Variants in EPHA5 observed in about 807,000 individuals in gnomAD.
The protein encoded by EPHA5 is EPH receptor A5.
Under a neutral mutation model 105.0 loss-of-function variants are expected in EPHA5, and 60 were observed. The observed-to-expected ratio is 0.57, with a 90% CI of 0.46 to 0.71. The LOEUF is 0.71. Among genes scored for constraint, EPHA5 ranks in the 30% least tolerant of loss-of-function variants. EPHA5 has a pLI of 0.00. For synonymous variants in EPHA5, 513 were observed against 449.1 expected, an observed-to-expected ratio of 1.14 and a Z score of -1.80; for missense variants, 1,218 against 1,274.7, an observed-to-expected ratio of 0.96 and a Z score of 0.68.
At chr4:65,596,134 G>A (rs1164456080) in intron 3 of EPHA5, among the ~76,000 whole-genome samples, 1 of 152,106 alleles carries the variant, frequency 6.6e-6, no homozygotes, top group Non-Finnish European at 1.5e-5. Context: ...AAAGAAAAAT[G>A]TTCACTTTTG....
At chr4:65,466,755 C>T (rs933817799) in intron 5 of EPHA5, among the ~76,000 whole-genome samples, 1 of 152,144 alleles carries the variant, frequency 6.6e-6, no homozygotes, top group African/African-American at 2.4e-5. Context: ...TCCAAGATTA[C>T]CGAAGCTCTT....
chr4:65,422,227 G>C (rs966561232), intron 5 of EPHA5, among the ~76,000 whole-genome samples: 2 of 152,062 alleles, frequency 1.3e-5, no homozygotes, highest in African/African-American at 4.8e-5. Context: ...TTTCCTCTGT[G>C]ACAAGAGCAT....
Position 65,420,465 on chromosome 4 carries a change from C to A in EPHA5, c.1503G>T (p.Glu501Asp), listed in dbSNP as rs376952898. 2.5e-6 allele frequency: 4 copies of A among 1,609,660 alleles called. No homozygotes were observed. Among genetic ancestry groups the A allele is most frequent in the South Asian group, 1.1e-5 (1 of 90,600 alleles). The change falls in exon 6 of 17, where the codon GAG becomes GAT. Residue 501 changes from glutamate (E) to aspartate (D), a missense_variant. Transcript: ENST00000613740. ...CCTTTTCAAAATACTTGATTTCATA[C>A]TCTAGGATGATTCCATTGGGACGAT... The part of the protein sequence containing the change: ...EPDRPNGIIL[E>D]YEIKYFEKDQ...
In EPHA5 at chr4:65,646,118, C is replaced by T. The variant is rs758767726; in HGVS notation, c.182-2691G>A. Among the ~76,000 whole-genome samples the T allele has an allele frequency of 2.0e-5, 3 of 152,080 alleles. No individual in the cohort carries two copies. The South Asian group carries it at 6.2e-4, about 32-fold the overall frequency. ...TTTACCTTCTGAATTGCTAACGTTT[C>T]CTTTGTCCTTCAAAACGTATTTCAG... On this transcript the variant is annotated intron_variant, in intron 1 of 16. Transcript: ENST00000613740.
chr4:65,444,650 G>A (rs1726340775), intron 5 of EPHA5, among the ~76,000 whole-genome samples: 1 of 152,166 alleles, frequency 6.6e-6, no homozygotes, highest in East Asian at 1.9e-4. Flanking sequence ...TGTATAAATT[G>A]TGGATTTACT....
intron 7 of EPHA5, among the ~76,000 whole-genome samples, chr4:65,408,423 T>C (rs930491153): frequency 2.6e-5 from 4 of 152,048 alleles, no homozygotes; most frequent in East Asian, 1.9e-4. Context: ...AAAGAAAATA[T>C]TGAAGCAATG....
chr4:65,594,978 T>G lies in EPHA5; in HGVS notation c.910+6663A>C, dbSNP rs750295565. Among the ~76,000 whole-genome samples, 11 of 152,082 alleles carry G rather than the reference T, an allele frequency of 7.2e-5. No individual in the cohort carries two copies. The South Asian group carries it at 1.0e-3, about 14-fold the overall frequency. The stretch of plus-strand genomic sequence containing the variant: ...ATCAGGTCTTTTATTTCTCAGATTT[T>G]TATAAGCAAATACATTTTTAAAGTG... On this transcript the variant is annotated intron_variant, in intron 3 of 16. Transcript: ENST00000613740.
At chr4:65,460,606 C>T (rs1459827530) in intron 5 of EPHA5, among the ~76,000 whole-genome samples, 2 of 151,324 alleles carry the variant, frequency 1.3e-5, no homozygotes, top group East Asian at 1.9e-4. Context: ...AATATATAGG[C>T]ATTTAAAATA....
At chr4:65,386,682 T>C (rs894552976) in intron 8 of EPHA5, among the ~76,000 whole-genome samples, 31 of 151,970 alleles carry the variant, frequency 2.0e-4, no homozygotes, top group African/African-American at 6.8e-4. Context: ...ATTGCTCATA[T>C]AAATTTTATA....
intron 2 of EPHA5, among the ~76,000 whole-genome samples, chr4:65,610,131 T>C (rs1744626088): frequency 6.6e-6 from 1 of 152,012 alleles, no homozygotes; most frequent in Non-Finnish European, 1.5e-5. Context: ...GTGGTAAATA[T>C]AGACTATGGA....
At chr4:65,569,212 A>G (rs1739868939) in intron 3 of EPHA5, among the ~76,000 whole-genome samples, 1 of 151,508 alleles carries the variant, frequency 6.6e-6, no homozygotes, top group Non-Finnish European at 1.5e-5. Context: ...AAGTTGTTTA[A>G]CCCCAAATAA....
At chr4:65,347,491 G>T (rs1722334917) in intron 14 of EPHA5, among the ~76,000 whole-genome samples, 1 of 152,120 alleles carries the variant, frequency 6.6e-6, no homozygotes, top group Non-Finnish European at 1.5e-5. Context: ...TTCTTTCATA[G>T]TTCCTTTAAT....
At chr4:65,362,000 C>T (rs1717375674) in intron 11 of EPHA5, among the ~76,000 whole-genome samples, 1 of 151,526 alleles carries the variant, frequency 6.6e-6, no homozygotes, top group Non-Finnish European at 1.5e-5. Flanking sequence ...TAAAAGCTGG[C>T]ACTATGTCTA....
chr4:65,554,354 G>C (rs1303977233), intron 3 of EPHA5, among the ~76,000 whole-genome samples: 3 of 149,736 alleles, frequency 2.0e-5, no homozygotes, highest in Non-Finnish European at 4.5e-5. Context: ...TATAATTTTG[G>C]CTAATCTATT....
Position 65,365,018 on chromosome 4 carries a change from T to A in EPHA5, c.2172A>T (p.Lys724Asn). Residue 724 changes from lysine (K) to asparagine (N), a missense_variant and splice_region_variant, in exon 11 of 17, where the codon AAA becomes AAT. Lys to Asn is a moderately conservative substitution (Grantham distance 94, BLOSUM62 0). Coordinates refer to ENST00000613740, the MANE Select transcript of EPHA5 (RefSeq NM_001281766.3). ...NIIHLEGVVT[K>N]SKPVMIVTEY... ...TGTATAATTTGCCATCATACTTACT[T>A]TTGGTCACCACACCTTCTAAATGGA... 6.2e-7 allele frequency: 1 copy of A among 1,610,218 alleles called. No homozygotes were observed. Among genetic ancestry groups the A allele is most frequent in the Non-Finnish European group, 8.5e-7 (1 of 1,177,498 alleles).
chr4:65,643,380 C>G lies in EPHA5; in HGVS notation c.229G>C (p.Ala77Pro), dbSNP rs765840668. Residue 77 changes from alanine (A) to proline (P), a missense_variant, in exon 2 of 17, where the codon GCT becomes CCT. Physicochemically the swap from Ala to Pro is conservative, Grantham distance 27. Around this residue, in one of 3 missense-constraint regions of EPHA5, gnomAD observed 233 missense variants for 227.5 expected, o/e 1.02. Coordinates refer to ENST00000613740, the MANE Select transcript of EPHA5 (RefSeq NM_001281766.3). ...AAACTTACCCCATTTTTTGGAAAAG[C>G]AATCCATCCCAGGTCCCCCATGACA... is the stretch of plus-strand genomic sequence containing the variant. ...RTVMGDLGWI[A>P]FPKNGWEEIG... 1.9e-6 allele frequency: 3 copies of G among 1,612,880 alleles called. No homozygotes were observed. Among genetic ancestry groups the G allele is most frequent in the South Asian group, 1.1e-5 (1 of 91,000 alleles).
intron 1 of EPHA5, among the ~76,000 whole-genome samples, chr4:65,658,119 C>T (rs1189178647): frequency 6.6e-6 from 1 of 151,820 alleles, no homozygotes; most frequent in African/African-American, 2.4e-5. Context: ...ATAGGCAACA[C>T]CTAGAATAAA....
intron 8 of EPHA5, among the ~76,000 whole-genome samples, chr4:65,371,877 C>T (rs1718510446): frequency 6.6e-6 from 1 of 151,900 alleles, no homozygotes; most frequent in East Asian, 1.9e-4. Context: ...ACTTAATTTA[C>T]TCAAAAGAGT....
At chr4:65,624,544 G>T (rs1316600671) in intron 2 of EPHA5, among the ~76,000 whole-genome samples, 2 of 152,156 alleles carry the variant, frequency 1.3e-5, no homozygotes, top group Non-Finnish European at 2.9e-5. Flanking sequence ...TAATAAATTT[G>T]AGGCTTTTTA....
Sources: allele counts gnomAD v4.1 joint callset (sites outside exome capture counted in the v4.1 genomes callset), GRCh38; gene constraint gnomAD v4.1.1; regional missense constraint gnomAD v4.1.1; transcripts MANE v1.5; gene names NCBI Gene and HGNC (gene_info 2026-07-23, HGNC 2026-07-21).